The following PTPRK variants were observed in gnomAD, a reference collection of about 807,000 sequenced individuals.
PTPRK encodes the protein receptor-type tyrosine-protein phosphatase kappa.
In PTPRK, 75 loss-of-function variants were observed where a neutral mutation model predicts 178.0. The observed-to-expected ratio is 0.42, with a 90% confidence interval of 0.35 to 0.51. PTPRK has a LOEUF of 0.51. PTPRK is among the 20% of genes least tolerant of loss of function. The pLI, the probability that PTPRK is intolerant of heterozygous loss-of-function variation, is 0.02. For missense variants in PTPRK, 1,441 were observed against 1,797.8 expected (o/e 0.80, Z 3.59); for synonymous variants, 637 against 620.6 (o/e 1.03, Z -0.39).
intron 1 of PTPRK, among the ~76,000 whole-genome samples, chr6:128,413,480 C>T (rs143556429): frequency 2.6e-5 from 4 of 152,254 alleles, no homozygotes; most frequent in Middle Eastern, 6.8e-3. Flanking sequence ...TCTAGAGTCT[C>T]AAGACAGATG....
chr6:128,504,478 G>A (rs1856037354), intron 1 of PTPRK, among the ~76,000 whole-genome samples: 1 of 152,130 alleles, frequency 6.6e-6, no homozygotes, highest in African/African-American at 2.4e-5. Flanking sequence ...TGAACAGTAA[G>A]TAACTAAGAA....
At chr6:128,328,492 A>G (rs990346191) in intron 2 of PTPRK, among the ~76,000 whole-genome samples, 4 of 152,232 alleles carry the variant, frequency 2.6e-5, no homozygotes, top group Admixed American at 1.3e-4. Flanking sequence ...CAAAACAACA[A>G]CAAAAAGAAA....
At chr6:128,387,240 C>T (rs529872319) in intron 2 of PTPRK, among the ~76,000 whole-genome samples, 59 of 152,206 alleles carry the variant, frequency 3.9e-4, no homozygotes, top group African/African-American at 1.4e-3. Flanking sequence ...CCAAAGGATT[C>T]GCTAATTATT....
At chr6:128,511,975 G>GA (rs200798349) in intron 1 of PTPRK, among the ~76,000 whole-genome samples, 1 of 152,100 alleles carries the variant, frequency 6.6e-6, no homozygotes, top group African/African-American at 2.4e-5. Flanking sequence ...ATTGCTTTAG[G>GA]AAAAGCTCTC....
In PTPRK at chr6:128,224,209, C is replaced by T. The variant is rs1025228579; in HGVS notation, c.694-5113G>A. 2.0e-5 allele frequency among the ~76,000 whole-genome samples: 3 copies of T among 152,172 alleles called. 1 individual carries two copies. In the South Asian group the frequency reaches 6.2e-4, roughly 32 times the overall value. ...TTATAACCTAGCACTACTTTTTTTA[C>T]CTGCTTTCCATCCCGCCCTCCAATC... On this transcript the variant is annotated intron_variant, in intron 5 of 29. Coordinates refer to ENST00000368226, the MANE Select transcript of PTPRK (RefSeq NM_002844.4).
intron 13 of PTPRK, among the ~76,000 whole-genome samples, chr6:128,009,540 A>G (rs1778822670): frequency 6.6e-6 from 1 of 151,226 alleles, no homozygotes; most frequent in South Asian, 2.1e-4. Context: ...GTTTTCCCCA[A>G]GTGTCCTTGA....
At chr6:128,022,147 G>A (rs1208233095) in intron 13 of PTPRK, among the ~76,000 whole-genome samples, 1 of 152,098 alleles carries the variant, frequency 6.6e-6, no homozygotes, top group African/African-American at 2.4e-5. Context: ...ATGCAAATTG[G>A]CTTTTGCTTG....
At chr6:128,385,267 TTG>T (rs1838541052) in intron 2 of PTPRK, among the ~76,000 whole-genome samples, 1 of 152,188 alleles carries the variant, frequency 6.6e-6, no homozygotes, top group East Asian at 1.9e-4. Context: ...TAATCTGCCT[TTG>T]TGATTTCCTA....
At chr6:128,111,812 G>A (rs183206067) in intron 7 of PTPRK, among the ~76,000 whole-genome samples, 1 of 152,042 alleles carries the variant, frequency 6.6e-6, no homozygotes, top group African/African-American at 2.4e-5. Context: ...TATGGATCTC[G>A]CATTTTTAGA....
At chr6:128,135,624 ACT>A (rs1241574765) in intron 7 of PTPRK, among the ~76,000 whole-genome samples, 1 of 151,884 alleles carries the variant, frequency 6.6e-6, no homozygotes, top group African/African-American at 2.4e-5. Context: ...TGCTCCATTC[ACT>A]CTGTTTTAGA....
In PTPRK at chr6:127,976,796, G is replaced by T; in HGVS notation, c.3844-14C>A. On this transcript the variant is annotated splice_polypyrimidine_tract_variant and intron_variant, in intron 26 of 29. Transcript: ENST00000368226. Reference sequence around the variant, plus strand: ...CTGAGGGCAGCCCTAAATGATGAACGTTTTGAAAGAAAAAAAAAAAGAGTA... The same window carrying T: ...CTGAGGGCAGCCCTAAATGATGAACTTTTTGAAAGAAAAAAAAAAAGAGTA... 7 of 1,586,890 alleles carry T rather than the reference G, an allele frequency of 4.4e-6. No individual in the cohort carries two copies. The highest frequency in any genetic ancestry group is 1.9e-5 in the Admixed American group (1 of 53,494).
Position 128,079,567 on chromosome 6 carries a change from GAA to G in PTPRK, c.1778-651_1778-650del, listed in dbSNP as rs533681728. ...AATTAGGGACTAGGATCTTGAGGGG[GAA>G]AAAGAGTTACCTCAAATAGCTTTGG... is the stretch of plus-strand genomic sequence containing the variant. On this transcript the variant is annotated intron_variant, in intron 10 of 29. Transcript: ENST00000368226. Among the ~76,000 whole-genome samples, 224 of 151,788 alleles carry G rather than the reference GAA, an allele frequency of 1.5e-3. 5 individuals carry two copies. The highest frequency in any genetic ancestry group is 6.2e-4 in the Non-Finnish European group (42 of 67,944).
chr6:128,507,115 C>G (rs1856482913), intron 1 of PTPRK, among the ~76,000 whole-genome samples: 1 of 152,110 alleles, frequency 6.6e-6, no homozygotes, highest in Admixed American at 6.6e-5. Flanking sequence ...TATTCCCACT[C>G]AAGCAGTCAA....
chr6:128,330,929 C>G (rs1830191066), intron 2 of PTPRK, among the ~76,000 whole-genome samples: 1 of 152,096 alleles, frequency 6.6e-6, no homozygotes. Context: ...ATGCTTGTCT[C>G]AGTCTCCATG....
chr6:128,318,447 G>A (rs1420373419), intron 3 of PTPRK, among the ~76,000 whole-genome samples: 1 of 152,030 alleles, frequency 6.6e-6, no homozygotes, highest in Non-Finnish European at 1.5e-5. Flanking sequence ...AATGGAAAAT[G>A]TTAAGAAGAA....
intron 13 of PTPRK, among the ~76,000 whole-genome samples, chr6:128,052,051 A>G (rs1214965566): frequency 1.3e-5 from 2 of 152,000 alleles, no homozygotes; most frequent in East Asian, 1.9e-4. Context: ...CATATCCTCC[A>G]TATCCTTATT....
chr6:128,035,071 G>A (rs1775979984), intron 13 of PTPRK, among the ~76,000 whole-genome samples: 1 of 152,144 alleles, frequency 6.6e-6, no homozygotes, highest in African/African-American at 2.4e-5. Flanking sequence ...AGATGATGCA[G>A]ATTAAAAACA....
intron 1 of PTPRK, among the ~76,000 whole-genome samples, chr6:128,437,738 CA>C (rs1403808964): frequency 6.6e-6 from 1 of 152,094 alleles, no homozygotes; most frequent in African/African-American, 2.4e-5. Context: ...ATAATGAAGG[CA>C]GACCCAAAAT....
chr6:128,390,266 C>T (rs1401400253), intron 2 of PTPRK, among the ~76,000 whole-genome samples: 1 of 152,036 alleles, frequency 6.6e-6, no homozygotes, highest in Non-Finnish European at 1.5e-5. Context: ...ATATGTGTTT[C>T]TAAAGGTTTG....
Sources: gnomAD v4.1 joint callset for allele counts (sites outside exome capture counted in the v4.1 genomes callset) on GRCh38, gnomAD v4.1.1 for gene constraint, MANE v1.5 for transcripts, NCBI Gene and HGNC (gene_info 2026-07-23, HGNC 2026-07-21) for gene names.